Variants in ANGPT1 observed in about 807,000 individuals in gnomAD.
ANGPT1 encodes angiopoietin 1.
Under a neutral mutation model 62.2 loss-of-function variants are expected in ANGPT1, and 17 were observed. That is an observed-to-expected ratio of 0.27 (90% CI 0.19 to 0.41). The LOEUF is 0.41. ANGPT1 is among the 10% of genes least tolerant of loss of function. ANGPT1 has a pLI of 1.00. For missense variants in ANGPT1, 478 were observed against 594.9 expected (o/e 0.80, Z 2.04); for synonymous variants, 199 against 198.9 (o/e 1.00, Z 0.00).
chr8:107,368,493 T>TC (rs374019921), intron 1 of ANGPT1, among the ~76,000 whole-genome samples: 577 of 43,498 alleles, frequency 0.013, 10 homozygotes, highest in East Asian at 0.022. Context: ...TATACTTATT[T>TC]ATAAGTATAT....
intron 1 of ANGPT1, among the ~76,000 whole-genome samples, chr8:107,358,860 T>A (rs941290585): frequency 1.3e-5 from 2 of 152,168 alleles, no homozygotes; most frequent in African/African-American, 4.8e-5. Context: ...TTAACAGACA[T>A]CACACTTTGA....
Position 107,391,144 on chromosome 8 carries a change from GATGTCCA to G in ANGPT1, c.298-44054_298-44048del, listed in dbSNP as rs1472111334. Among the ~76,000 whole-genome samples the G allele has an allele frequency of 4.6e-5, 7 of 152,128 alleles. No homozygotes were observed. The East Asian group carries it at 1.4e-3, about 29-fold the overall frequency. ...AGACTTACTTTAACTCACAAATGTA[GATGTCCA>G]AACCCAGAAGAAATCTGTGGCCCTA... On this transcript the variant is annotated intron_variant, in intron 1 of 8. Transcript: ENST00000517746.
At chr8:107,472,934 C>A (rs941529938) in intron 1 of ANGPT1, among the ~76,000 whole-genome samples, 1 of 151,958 alleles carries the variant, frequency 6.6e-6, no homozygotes, top group African/African-American at 2.4e-5. Context: ...CCATTTATTT[C>A]CCATCATAAA....
At chr8:107,428,094 A>G (rs1811084317) in intron 1 of ANGPT1, among the ~76,000 whole-genome samples, 1 of 152,256 alleles carries the variant, frequency 6.6e-6, no homozygotes. Flanking sequence ...ATGGCCTTTC[A>G]TGTGACCTTT....
chr8:107,461,368 C>T (rs1293113207), intron 1 of ANGPT1, among the ~76,000 whole-genome samples: 6 of 152,198 alleles, frequency 3.9e-5, no homozygotes, highest in African/African-American at 1.2e-4. Flanking sequence ...CAATAGATAC[C>T]TAAAGCAACT....
At chr8:107,352,268 A>G (rs758355616) in intron 1 of ANGPT1, among the ~76,000 whole-genome samples, 13 of 152,236 alleles carry the variant, frequency 8.5e-5, no homozygotes, top group Non-Finnish European at 1.8e-4. Context: ...ATATTGATTG[A>G]TGGCTGTAAT....
At chr8:107,319,049 A>G (rs1815089378) in intron 4 of ANGPT1, among the ~76,000 whole-genome samples, 1 of 152,186 alleles carries the variant, frequency 6.6e-6, no homozygotes, top group Non-Finnish European at 1.5e-5. Flanking sequence ...TTTTGCTTAT[A>G]AAGCACATAA....
chr8:107,273,670 C>G (rs1256715665), intron 7 of ANGPT1, among the ~76,000 whole-genome samples: 1 of 151,958 alleles, frequency 6.6e-6, no homozygotes, highest in Non-Finnish European at 1.5e-5. Context: ...GCCTCATGAG[C>G]GCTTACTCAT....
At chr8:107,400,858 CA>C (rs1196741309) in intron 1 of ANGPT1, among the ~76,000 whole-genome samples, 41 of 135,334 alleles carry the variant, frequency 3.0e-4, no homozygotes, top group African/African-American at 1.1e-3. Context: ...CCGTGCCCAG[CA>C]GATATTTCTT....
intron 1 of ANGPT1, among the ~76,000 whole-genome samples, chr8:107,478,174 T>A (rs1405230618): frequency 6.6e-6 from 1 of 151,720 alleles, no homozygotes; most frequent in Non-Finnish European, 1.5e-5. Flanking sequence ...TGGTCAAAAT[T>A]TCATGGAGTC....
intron 1 of ANGPT1, among the ~76,000 whole-genome samples, chr8:107,487,400 GA>G (rs1168646949): frequency 1.3e-5 from 2 of 151,814 alleles, no homozygotes; most frequent in South Asian, 2.1e-4. Flanking sequence ...AGTGGGGGTT[GA>G]AAAAAGCAAA....
intron 1 of ANGPT1, among the ~76,000 whole-genome samples, chr8:107,444,085 T>A (rs1465005667): frequency 6.6e-6 from 1 of 152,230 alleles, no homozygotes; most frequent in Non-Finnish European, 1.5e-5. Flanking sequence ...TATTCTGTTC[T>A]GGGAGCATCT....
intron 1 of ANGPT1, among the ~76,000 whole-genome samples, chr8:107,393,437 G>A (rs958487463): frequency 1.3e-5 from 2 of 152,100 alleles, no homozygotes; most frequent in Admixed American, 1.3e-4. Flanking sequence ...GAGTTATATT[G>A]TATGCTAATT....
rs554733730 is a variant in ANGPT1 at position 107,251,896 on chromosome 8, A to G, written c.1456T>C (p.Leu486=). The G allele has an allele frequency of 1.2e-6, 2 of 1,614,004 alleles. No homozygotes were observed. Among genetic ancestry groups the G allele is most frequent in the Admixed American group, 3.3e-5 (2 of 60,008 alleles). ...WHYFKGPSYS[L]RSTTMMIRPL... ...CGAATCATCATAGTTGTGGAACGTA[A>G]GGAGTAACTGGGCCCTTTGAAGTAG... The change falls in exon 9 of 9, where the codon TTA becomes CTA. Residue 486 remains leucine (L), a synonymous_variant. Coordinates refer to ENST00000517746, the MANE Select transcript of ANGPT1 (RefSeq NM_001146.5).
At chr8:107,264,387 T>C in intron 7 of ANGPT1, 36 bp from the exon 8 acceptor site, 2 of 1,602,722 alleles carry the variant, frequency 1.2e-6, no homozygotes, top group Non-Finnish European at 1.7e-6. Context: ...AGATAAGCCA[T>C]TCGACAGAAT....
In ANGPT1 at chr8:107,332,611, A is replaced by G. The variant is rs567159455; in HGVS notation, c.575+3539T>C. The stretch of plus-strand genomic sequence containing the variant: ...GCAGGACCTCTCAGCATGTTTGTGT[A>G]GTATAATCCTAACCATAAAATATTC... On this transcript the variant is annotated intron_variant, in intron 3 of 8. Transcript: ENST00000517746. Among the ~76,000 whole-genome samples, 3 of 152,306 alleles carry G rather than the reference A, an allele frequency of 2.0e-5. No homozygotes were observed. The East Asian group carries it at 5.8e-4, about 29-fold the overall frequency.
chr8:107,400,565 T>G (rs1283693), intron 1 of ANGPT1, among the ~76,000 whole-genome samples: 1 of 151,138 alleles, frequency 6.6e-6, no homozygotes, highest in African/African-American at 2.4e-5. Flanking sequence ...TTCTTTCTTT[T>G]TTTTTTTTTT....
chr8:107,316,492 A>C (rs1349510918), intron 4 of ANGPT1, among the ~76,000 whole-genome samples: 1 of 152,228 alleles, frequency 6.6e-6, no homozygotes, highest in East Asian at 1.9e-4. Context: ...AGGTCTCAGA[A>C]GACTGGCTTG....
intron 7 of ANGPT1, among the ~76,000 whole-genome samples, chr8:107,268,865 G>C (rs1305499903): frequency 6.6e-6 from 1 of 151,982 alleles, no homozygotes; most frequent in Non-Finnish European, 1.5e-5. Context: ...AGAAGGGACT[G>C]ATATATTGAG....
Sources: gnomAD v4.1 joint callset for allele counts (sites outside exome capture counted in the v4.1 genomes callset) on GRCh38, gnomAD v4.1.1 for gene constraint, MANE v1.5 for transcripts, NCBI Gene and HGNC (gene_info 2026-07-23, HGNC 2026-07-21) for gene names.